VPS26C: variants seen among roughly 807,000 people sequenced by gnomAD.
VPS26C encodes the protein vacuolar protein sorting-associated protein 26C.
VPS26C carries 19 observed loss-of-function variants against 30.6 expected under a neutral mutation model. That is an observed-to-expected ratio of 0.62 (90% CI 0.43 to 0.91). The LOEUF is 0.91. Ranked by LOEUF, VPS26C falls within the 40% of genes least tolerant of loss-of-function variation. VPS26C has a pLI of 0.00. For missense variants in VPS26C, 318 were observed against 385.1 expected, an observed-to-expected ratio of 0.83 and a Z score of 1.46; for synonymous variants, 132 against 151.5, an observed-to-expected ratio of 0.87 and a Z score of 0.95.
Position 37,267,296 on chromosome 21 carries a change from T to C in VPS26C, c.-2A>G. On this transcript the variant is annotated 5_prime_UTR_variant, in exon 1 of 8. Coordinates refer to ENST00000309117, the MANE Select transcript of VPS26C (RefSeq NM_006052.2). ...CTTGATGTCCAGGGCGGTCCCCATCTCCAATTCTCCGCAGCAGCCGCCACT... is the reference window on the plus strand; with the variant it reads ...CTTGATGTCCAGGGCGGTCCCCATCCCCAATTCTCCGCAGCAGCCGCCACT... 1 of 1,516,320 alleles carries C rather than the reference T, an allele frequency of 6.6e-7. No individual in the cohort carries two copies. Among genetic ancestry groups the C allele is most frequent in the Middle Eastern group, 1.8e-4 (1 of 5,572 alleles). The allele number at this position is 1,516,320 out of a possible 1,614,324, so 93.9% of individuals were successfully genotyped here. A position where few individuals can be genotyped will look rare whatever the true frequency, so the allele number is the denominator to read the frequency against.
At chr21:37,246,258 A>G (rs1178868434) in intron 1 of VPS26C, among the ~76,000 whole-genome samples, 2 of 152,164 alleles carry the variant, frequency 1.3e-5, no homozygotes, top group Non-Finnish European at 2.9e-5. Flanking sequence ...AGTCACTCAT[A>G]AGAGGAAAAG....
At chr21:37,252,887 A>G (rs2086207862) in intron 1 of VPS26C, among the ~76,000 whole-genome samples, 3 of 152,166 alleles carry the variant, frequency 2.0e-5, no homozygotes, top group African/African-American at 7.2e-5. Flanking sequence ...AGCAAACTAT[A>G]GGGACTGAAA....
intron 1 of VPS26C, among the ~76,000 whole-genome samples, chr21:37,266,409 G>C (rs1403749278): frequency 6.6e-6 from 1 of 152,182 alleles, no homozygotes; most frequent in Non-Finnish European, 1.5e-5. Flanking sequence ...ATTCCAAAGA[G>C]TGTTGGGGCT....
intron 1 of VPS26C, chr21:37,261,150 T>A (rs2148310588): frequency 6.6e-6 from 1 of 152,356 alleles, no homozygotes; most frequent in East Asian, 1.9e-4. Flanking sequence ...AGGTAATCAG[T>A]GCAATGACAG....
Position 37,224,783 on chromosome 21 carries a change from A to C in VPS26C, c.*761T>G, listed in dbSNP as rs903730533. The C allele has an allele frequency of 2.0e-5, 3 of 152,264 alleles. No homozygotes were observed. Among genetic ancestry groups the C allele is most frequent in the African/African-American group, 7.2e-5 (3 of 41,434 alleles). The allele number at this position is 152,264 out of a possible 1,614,324, so 9.4% of individuals were successfully genotyped here. On this transcript the variant is annotated 3_prime_UTR_variant, in exon 8 of 8. Coordinates refer to ENST00000309117, the MANE Select transcript of VPS26C (RefSeq NM_006052.2). ...GGTGGGTCACGAGGTCAGGAGTTCA[A>C]GACCAGCCTGGCCAAGATGGTGAAG...
Position 37,267,202 on chromosome 21 carries a change from ACCCCACCTCCATCCCCACCCCCAGC to A in VPS26C, c.57+11_57+35del. 3 of 998,930 alleles carry A rather than the reference ACCCCACCTCCATCCCCACCCCCAGC, an allele frequency of 3.0e-6. No individual in the cohort carries two copies. Among genetic ancestry groups the A allele is most frequent in the Non-Finnish European group, 4.7e-6 (3 of 637,478 alleles). 61.9% of individuals were successfully genotyped at this position (998,930 alleles called of 1,614,324 possible). On this transcript the variant is annotated intron_variant, in intron 1 of 7. Coordinates refer to ENST00000309117, the MANE Select transcript of VPS26C (RefSeq NM_006052.2). ...ACAGCGGAACCTGCAGACCCGCCCA[ACCCCACCTCCATCCCCACCCCCAGC>A]CCCCACTTACCCCGGCGTGATAAAC... is the stretch of plus-strand genomic sequence containing the variant.
rs1321157184 is a variant in VPS26C at position 37,238,584 on chromosome 21, ATGG to A, written c.224_226del (p.Thr75del). 1 of 1,614,190 alleles carries A rather than the reference ATGG, an allele frequency of 6.2e-7. No individual in the cohort carries two copies. The highest frequency in any genetic ancestry group is 8.5e-7 in the Non-Finnish European group (1 of 1,180,030). On this transcript the variant is annotated inframe_deletion, in exon 3 of 8. Transcript: ENST00000309117. ...AAATTTCCCCGGCTTCACCATTTCTATGGTGCTGTTGATAATCTGGATAGGCTG... is the reference window on the plus strand; with the variant it reads ...AAATTTCCCCGGCTTCACCATTTCTATGCTGTTGATAATCTGGATAGGCTG...
rs2085901036 is a variant in VPS26C at position 37,226,500 on chromosome 21, A to C, written c.812-874T>G. On this transcript the variant is annotated intron_variant, in intron 7 of 7. Coordinates refer to ENST00000309117, the MANE Select transcript of VPS26C (RefSeq NM_006052.2). The surrounding 1 kb of genome is among the most constrained non-coding windows in gnomAD (Gnocchi z 4.1). ...GTCACTACATTAGAGTCCTCTGGGC[A>C]CTTCCTGCCACCACTCCCTTCAATG... 1.3e-5 allele frequency: 2 copies of C among 152,266 alleles called. No individual in the cohort carries two copies. The highest frequency in any genetic ancestry group is 1.3e-4 in the Admixed American group (2 of 15,280). The allele number at this position is 152,266 out of a possible 1,614,324, so 9.4% of individuals were successfully genotyped here.
intron 1 of VPS26C, among the ~76,000 whole-genome samples, chr21:37,244,861 GGTA>G (rs2086121427): frequency 1.3e-5 from 2 of 152,176 alleles, no homozygotes; most frequent in Non-Finnish European, 2.9e-5. Context: ...GGAAAGTGAG[GGTA>G]CACCTGGGAA....
intron 1 of VPS26C, among the ~76,000 whole-genome samples, chr21:37,241,490 G>C (rs2148293392): frequency 6.6e-6 from 1 of 152,232 alleles, no homozygotes; most frequent in South Asian, 2.1e-4. Context: ...GTATCAAGCG[G>C]AACAGAAAGA....
intron 7 of VPS26C, chr21:37,227,427 AC>A: frequency 1.8e-6 from 1 of 553,496 alleles, no homozygotes; most frequent in Admixed American, 3.1e-5. Context: ...TCCCACAAGC[AC>A]CAGGACTGCC....
intron 5 of VPS26C, chr21:37,230,443 C>T (rs1020660658): frequency 1.3e-5 from 2 of 152,246 alleles, no homozygotes; most frequent in African/African-American, 4.8e-5. Flanking sequence ...CTCTTTTCTA[C>T]TTAAAAATCT....
chr21:37,267,041 G>T, intron 1 of VPS26C, 197 bp downstream of exon 1: 1 of 630,072 alleles, frequency 1.6e-6, no homozygotes, highest in South Asian at 1.9e-5. Flanking sequence ...GGGCCTCCTC[G>T]CAGGGCAGCC....
At chr21:37,260,835 T>C (rs2086296582) in intron 1 of VPS26C, among the ~76,000 whole-genome samples, 2 of 152,202 alleles carry the variant, frequency 1.3e-5, no homozygotes, top group African/African-American at 4.8e-5. Context: ...TCTGGGGCTA[T>C]GTCAAAATAA....
At chr21:37,255,260 T>C (rs933512291) in intron 1 of VPS26C, among the ~76,000 whole-genome samples, 3 of 152,172 alleles carry the variant, frequency 2.0e-5, no homozygotes, top group African/African-American at 7.2e-5. Context: ...GCTGCTCCTT[T>C]CCCAAAGGTG....
At chr21:37,235,864 TA>T (rs1569233707) in intron 3 of VPS26C, among the ~76,000 whole-genome samples, 3 of 103,086 alleles carry the variant, frequency 2.9e-5, no homozygotes, top group African/African-American at 1.0e-4. Flanking sequence ...TATATATATA[TA>T]TATATATATA....
intron 1 of VPS26C, among the ~76,000 whole-genome samples, chr21:37,248,390 GA>G (rs1396020133): frequency 1.3e-5 from 2 of 151,692 alleles, no homozygotes; most frequent in African/African-American, 4.8e-5. Flanking sequence ...AATCAAAAAA[GA>G]AAAACACAAA....
chr21:37,231,163 A>G (rs1161258974), intron 5 of VPS26C, among the ~76,000 whole-genome samples: 1 of 152,184 alleles, frequency 6.6e-6, no homozygotes, highest in African/African-American at 2.4e-5. Context: ...GTAAATGTAA[A>G]CTGACAACCG....
Position 37,238,566 on chromosome 21 carries a change from C to G in VPS26C, c.245G>C (p.Gly82Ala). Reference protein sequence around the residue: ...INSTIEMVKPGKFPSGKTEIP... With the variant: ...INSTIEMVKPAKFPSGKTEIP... ...TTCTGTTTTGCCGCTGGGAAATTTC[C>G]CCGGCTTCACCATTTCTATGGTGCT... Residue 82 changes from glycine (G) to alanine (A), a missense_variant, in exon 3 of 8, where the codon GGG becomes GCG. Transcript: ENST00000309117. The G allele has an allele frequency of 6.2e-7, 1 of 1,614,140 alleles. No individual in the cohort carries two copies. Among genetic ancestry groups the G allele is most frequent in the Non-Finnish European group, 8.5e-7 (1 of 1,180,044 alleles).
Sources: gnomAD v4.1 joint callset for allele counts (sites outside exome capture counted in the v4.1 genomes callset) on GRCh38, gnomAD v4.1.1 for gene constraint, Gnocchi (gnomAD v3.1) non-coding constraint, MANE v1.5 for transcripts, NCBI Gene and HGNC (gene_info 2026-07-23, HGNC 2026-07-21) for gene names.